SYT2: variants seen among roughly 807,000 people sequenced by gnomAD.
SYT2 encodes the protein synaptotagmin-2.
In SYT2, 15 loss-of-function variants were observed where a neutral mutation model predicts 39.9. That is an observed-to-expected ratio of 0.38 (90% CI 0.25 to 0.58). The LOEUF (loss-of-function observed/expected upper bound fraction) is 0.58. SYT2 is among the 20% of genes least tolerant of loss of function. The pLI is 0.70. For synonymous variants in SYT2, 181 were observed against 204.5 expected, an observed-to-expected ratio of 0.89 and a Z score of 0.98; for missense variants, 389 against 530.3, an observed-to-expected ratio of 0.73 and a Z score of 2.62.
chr1:202,708,873 C>T, intron 1 of SYT2, among the ~76,000 whole-genome samples: 1 of 152,216 alleles, frequency 6.6e-6, no homozygotes, highest in South Asian at 2.1e-4. Flanking sequence ...CAAAGCTGGA[C>T]TTAGTCTTAA....
At chr1:202,689,341 C>A (rs907687278) in intron 1 of SYT2, among the ~76,000 whole-genome samples, 1 of 152,158 alleles carries the variant, frequency 6.6e-6, no homozygotes, top group Non-Finnish European at 1.5e-5. Context: ...ATAACCCATC[C>A]CCCATCAGGG....
In SYT2 at chr1:202,628,511, C is replaced by T. The variant is rs1223031252; in HGVS notation, c.-17-22722G>A. Among the ~76,000 whole-genome samples the T allele has an allele frequency of 2.6e-5, 4 of 152,160 alleles. No homozygotes were observed. Among genetic ancestry groups the T allele is most frequent in the Non-Finnish European group, 4.4e-5 (3 of 68,032 alleles). On this transcript the variant is annotated intron_variant, in intron 1 of 8. Coordinates refer to ENST00000367268, the MANE Select transcript of SYT2 (RefSeq NM_177402.5). The surrounding 1 kb of genome is among the most constrained non-coding windows in gnomAD (Gnocchi z 4.2). ...GCCCATCACTCTTCAGACAGAGATG[C>T]CCATTATCACCAACACCTATGACAG...
At chr1:202,597,547 A>G (rs1026054576) in intron 8 of SYT2, among the ~76,000 whole-genome samples, 1 of 152,208 alleles carries the variant, frequency 6.6e-6, no homozygotes, top group Non-Finnish European at 1.5e-5. Flanking sequence ...TCATTGAGGT[A>G]TAGGGTGAGA....
chr1:202,668,043 C>A (rs1289572270), intron 1 of SYT2, among the ~76,000 whole-genome samples: 2 of 152,142 alleles, frequency 1.3e-5, no homozygotes, highest in African/African-American at 4.8e-5. Context: ...CCTCTCAGCA[C>A]CATCAAAGCC....
chr1:202,687,397 C>A (rs545199341), intron 1 of SYT2, among the ~76,000 whole-genome samples: 1 of 152,294 alleles, frequency 6.6e-6, no homozygotes, highest in African/African-American at 2.4e-5. Context: ...TACTCTCACT[C>A]TCTATCATGT....
intron 1 of SYT2, among the ~76,000 whole-genome samples, chr1:202,696,469 CATAATTGTAATTAA>C (rs200023212): frequency 0.027 from 4,140 of 152,158 alleles, 73 homozygotes; most frequent in South Asian, 0.058. Flanking sequence ...TTCCAATGAT[CATAATTGTAATTAA>C]ATAATTGTAA....
At position 202,637,656 on chromosome 1, in the gene SYT2, C is replaced by T. The variant is rs546345019; in HGVS notation, c.-17-31867G>A. Among the ~76,000 whole-genome samples, 65 of 152,376 alleles carry T rather than the reference C, an allele frequency of 4.3e-4. 1 individual carries two copies. The highest frequency in any genetic ancestry group is 1.2e-3 in the African/African-American group (51 of 41,592). Reference sequence around the variant, plus strand: ...CAGCAGCTTTGAGAGACTCTCCTGCCGGCTGCTCATAGGTGCTGCAGTATC... The same window carrying T: ...CAGCAGCTTTGAGAGACTCTCCTGCTGGCTGCTCATAGGTGCTGCAGTATC... On this transcript the variant is annotated intron_variant, in intron 1 of 8. Coordinates refer to ENST00000367268, the MANE Select transcript of SYT2 (RefSeq NM_177402.5).
chr1:202,651,081 G>C (rs1215071564), intron 1 of SYT2, among the ~76,000 whole-genome samples: 1 of 152,188 alleles, frequency 6.6e-6, no homozygotes, highest in Non-Finnish European at 1.5e-5. Context: ...CAGGCAACGG[G>C]CACAGCGGAA....
Position 202,606,486 on chromosome 1 carries a change from C to G in SYT2, c.-17-697G>C, listed in dbSNP as rs370342821. 3.3e-5 allele frequency among the ~76,000 whole-genome samples: 5 copies of G among 152,198 alleles called. No homozygotes were observed. The East Asian group carries it at 5.8e-4, about 18-fold the overall frequency. The stretch of plus-strand genomic sequence containing the variant: ...GCCCAGCTCCATGACACTTGACTCT[C>G]CTCATCCCTGACTCCAATTCCTCCT... On this transcript the variant is annotated intron_variant, in intron 1 of 8. Transcript: ENST00000367268.
Position 202,599,708 on chromosome 1 carries a change from C to G in SYT2, c.920-357G>C, listed in dbSNP as rs780850374. 6.6e-6 allele frequency among the ~76,000 whole-genome samples: 1 copy of G among 152,168 alleles called. No individual in the cohort carries two copies. The highest frequency in any genetic ancestry group is 1.5e-5 in the Non-Finnish European group (1 of 68,034). On this transcript the variant is annotated intron_variant, in intron 7 of 8. Transcript: ENST00000367268. The surrounding 1 kb of genome is among the most constrained non-coding windows in gnomAD (Gnocchi z 4.4). ...CATCTGCTGGGTCATAATCCCAATC[C>G]GATCCCCCTAATCTTGCAGACAAGA...
chr1:202,679,676 A>G (rs949501970), intron 1 of SYT2, among the ~76,000 whole-genome samples: 7 of 152,012 alleles, frequency 4.6e-5, no homozygotes, highest in African/African-American at 1.7e-4. Context: ...TCCCCTTCAA[A>G]CCAGGAGTCA....
In SYT2 at chr1:202,706,397, G is replaced by A. The variant is rs184116470; in HGVS notation, c.-18+3861C>T. On this transcript the variant is annotated intron_variant, in intron 1 of 8. Coordinates refer to ENST00000367268, the MANE Select transcript of SYT2 (RefSeq NM_177402.5). ...TGTGTGTGGGCAGGAAAAGGAGCAC[G>A]CAGGCCACCCAAGGATGAAAAGCAC... Among the ~76,000 whole-genome samples, 13 of 152,134 alleles carry A rather than the reference G, an allele frequency of 8.5e-5. No homozygotes were observed. The East Asian group carries it at 2.3e-3, about 27-fold the overall frequency.
At chr1:202,618,255 C>A (rs138073302) in intron 1 of SYT2, among the ~76,000 whole-genome samples, 1 of 152,108 alleles carries the variant, frequency 6.6e-6, no homozygotes, top group East Asian at 1.9e-4. Flanking sequence ...GGGGAAGTGG[C>A]CTTCCCAGGG....
At chr1:202,636,462 G>A in intron 1 of SYT2, 1 of 913,226 alleles carries the variant, frequency 1.1e-6, no homozygotes, top group African/African-American at 1.8e-5. Context: ...TTGATCCCAG[G>A]ACATCTTGGG....
chr1:202,613,067 C>CTTTTTTT lies in SYT2; in HGVS notation c.-17-7279_-17-7278insAAAAAAA, dbSNP rs1690930669. On this transcript the variant is annotated intron_variant, in intron 1 of 8. Coordinates refer to ENST00000367268, the MANE Select transcript of SYT2 (RefSeq NM_177402.5). The stretch of plus-strand genomic sequence containing the variant: ...CACATTGCCGAACTCATTGGTTCTT[C>CTTTTTTT]CTTTTTTTTTTTTTTTTTTTTTTTT... Among the ~76,000 whole-genome samples the CTTTTTTT allele has an allele frequency of 1.6e-5, 2 of 121,604 alleles. 1 individual carries two copies. The highest frequency in any genetic ancestry group is 3.3e-5 in the Non-Finnish European group (2 of 59,938). 79.8% of individuals were successfully genotyped at this position (121,604 alleles called of 152,430 possible).
At chr1:202,612,468 A>T (rs1028440838) in intron 1 of SYT2, among the ~76,000 whole-genome samples, 1 of 152,172 alleles carries the variant, frequency 6.6e-6, no homozygotes, top group Non-Finnish European at 1.5e-5. Context: ...CCCGGGCTCA[A>T]TTGATCCTCC....
chr1:202,604,386 T>TCC, intron 3 of SYT2, 69 bp downstream of exon 3: 1 of 1,536,070 alleles, frequency 6.5e-7, no homozygotes, highest in Middle Eastern at 1.7e-4. Flanking sequence ...AGCCTTTGCT[T>TCC]CCCCTTTCAG....
chr1:202,600,397 C>G lies in SYT2; in HGVS notation c.879G>C (p.Glu293Asp). 6.2e-7 allele frequency: 1 copy of G among 1,614,228 alleles called. No individual in the cohort carries two copies. Among genetic ancestry groups the G allele is most frequent in the East Asian group, 2.2e-5 (1 of 44,876 alleles). Residue 293 changes from glutamate (E) to aspartate (D), a missense_variant, in exon 7 of 9, where the codon GAG becomes GAC. Glu to Asp is a conservative substitution (Grantham distance 45). Coordinates refer to ENST00000367268, the MANE Select transcript of SYT2 (RefSeq NM_177402.5). Reference sequence around the variant, plus strand: ...CGTCCATCTTCTTGAGGTTCTTAGCCTCCAGGATGCAGACAGTGAGCTTCC... The same window carrying G: ...CGTCCATCTTCTTGAGGTTCTTAGCGTCCAGGATGCAGACAGTGAGCTTCC... ...TAGKLTVCIL[E>D]AKNLKKMDVG...
chr1:202,678,606 C>G (rs566743615), intron 1 of SYT2, among the ~76,000 whole-genome samples: 13 of 152,266 alleles, frequency 8.5e-5, no homozygotes, highest in African/African-American at 2.6e-4. Flanking sequence ...GGGCTTCCCC[C>G]CTCCCTATAG....
Sources: gnomAD v4.1 joint callset for allele counts (sites outside exome capture counted in the v4.1 genomes callset) on GRCh38, gnomAD v4.1.1 for gene constraint, Gnocchi (gnomAD v3.1) non-coding constraint, MANE v1.5 for transcripts, NCBI Gene and HGNC (gene_info 2026-07-23, HGNC 2026-07-21) for gene names.